Variants in DNTTIP1 observed in about 807,000 individuals in gnomAD.
The protein encoded by DNTTIP1 is deoxynucleotidyltransferase terminal-interacting protein 1.
DNTTIP1 carries 22 observed loss-of-function variants against 52.9 expected under a neutral mutation model. The observed-to-expected ratio is 0.42, with a 90% confidence interval of 0.30 to 0.59. The LOEUF is 0.59. DNTTIP1 is among the 20% of genes least tolerant of loss of function. The probability of loss-of-function intolerance (pLI) is 0.22; values close to 1 mark genes in which losing one functional copy is unlikely to be tolerated. For missense variants in DNTTIP1, 286 were observed against 435.5 expected (o/e 0.66, Z 3.06); for synonymous variants, 136 against 155.1 (o/e 0.88, Z 0.92).
intron 4 of DNTTIP1, among the ~76,000 whole-genome samples, chr20:45,800,351 T>A (rs899542834): frequency 7.9e-5 from 12 of 152,184 alleles, no homozygotes; most frequent in Admixed American, 5.2e-4. Flanking sequence ...TTTTTAAAAA[T>A]AGATATCTAT....
intron 3 of DNTTIP1, among the ~76,000 whole-genome samples, chr20:45,794,902 C>T (rs1981183345): frequency 6.6e-6 from 1 of 151,270 alleles, no homozygotes; most frequent in South Asian, 2.1e-4. Flanking sequence ...TGGGTTCAAG[C>T]AGTTCTCTGC....
chr20:45,800,689 AAAAAAATATATATATATAT>A (rs1981406584), intron 4 of DNTTIP1, among the ~76,000 whole-genome samples: 1 of 64,976 alleles, frequency 1.5e-5, no homozygotes, highest in African/African-American at 8.4e-5. Context: ...TAAAAAAAAA[AAAAAAATATATATATATAT>A]ATATATATAT....
rs532084221 is a variant in DNTTIP1 at position 45,809,123 on chromosome 20, G to A, written c.733G>A (p.Asp245Asn). The A allele has an allele frequency of 6.2e-7, 1 of 1,614,082 alleles. No individual in the cohort carries two copies. Residue 245 changes from aspartate to asparagine, a missense_variant, in exon 11 of 13, where the codon GAC becomes AAC. Physicochemically the swap from Asp to Asn is conservative, Grantham distance 23 (BLOSUM62 1). This residue lies in a region of DNTTIP1 where 78 missense variants were observed against 169.0 expected (regional missense o/e 0.46). Transcript: ENST00000372622. The surrounding 1 kb of genome is among the most constrained non-coding windows in gnomAD (Gnocchi z 4.2). Reference sequence around the variant, plus strand: ...ACTTCATTCCTTACAGTATGCAGCTGACCCCCAGGATAAGCACTGGCTGGC... The same window carrying A: ...ACTTCATTCCTTACAGTATGCAGCTAACCCCCAGGATAAGCACTGGCTGGC... ...KHPHLFKYAA[D>N]PQDKHWLAEQ...
At chr20:45,808,871 G>A (rs189785920) in intron 10 of DNTTIP1, among the ~76,000 whole-genome samples, 20 of 152,150 alleles carry the variant, frequency 1.3e-4, no homozygotes, top group African/African-American at 4.3e-4. Flanking sequence ...TGCCCGGGGT[G>A]CTTTGTTGTG....
rs1216825265 is a variant in DNTTIP1, at chr20:45,795,403, A to G, written c.332A>G (p.Glu111Gly). ...RDNVGEEVDA[E>G]QLIQEACRSC... ...AATGTTGGGGAGGAGGTGGACGCAG[A>G]GCAGCTGATCCAGGAAGCCTGTCGG... Residue 111 changes from glutamate (E) to glycine (G), a missense_variant, in exon 4 of 13, where the codon GAG becomes GGG. Coordinates refer to ENST00000372622, the MANE Select transcript of DNTTIP1 (RefSeq NM_052951.3). The G allele has an allele frequency of 6.2e-7, 1 of 1,611,588 alleles. No individual in the cohort carries two copies. Among genetic ancestry groups the G allele is most frequent in the Non-Finnish European group, 8.5e-7 (1 of 1,178,780 alleles).
chr20:45,808,548 G>A (rs538640794), intron 10 of DNTTIP1, among the ~76,000 whole-genome samples: 5 of 149,852 alleles, frequency 3.3e-5, no homozygotes, highest in Admixed American at 1.3e-4. Flanking sequence ...GCTGAGGCAG[G>A]AGAATCGCTT....
In DNTTIP1 at chr20:45,794,200, G is replaced by A. The variant is rs868055144; in HGVS notation, c.273+183G>A. Among the ~76,000 whole-genome samples the A allele has an allele frequency of 2.0e-5, 3 of 152,168 alleles. No individual in the cohort carries two copies. The South Asian group carries it at 6.2e-4, about 31-fold the overall frequency. On this transcript the variant is annotated intron_variant, in intron 3 of 12. Transcript: ENST00000372622. Reference sequence around the variant, plus strand: ...TTCTCACTCTGTCACCCAGGCTGGAGTGCAGTGGCACAATATCGATTCACC... The same window carrying A: ...TTCTCACTCTGTCACCCAGGCTGGAATGCAGTGGCACAATATCGATTCACC...
chr20:45,794,303 C>A (rs966008789), intron 3 of DNTTIP1, among the ~76,000 whole-genome samples: 1 of 152,100 alleles, frequency 6.6e-6, no homozygotes, highest in Non-Finnish European at 1.5e-5. Context: ...TGCCCACCAC[C>A]TTGCAGGGCT....
At position 45,795,232 on chromosome 20, in the gene DNTTIP1, T is replaced by C. The variant is rs1040094561; in HGVS notation, c.274-113T>C. ...GCTGATCCCAAAGCCCTGCTCATAA[T>C]CACTTTTCCCTTCTGTATGAAGCTA... is the stretch of plus-strand genomic sequence containing the variant. On this transcript the variant is annotated intron_variant, in intron 3 of 12. Coordinates refer to ENST00000372622, the MANE Select transcript of DNTTIP1 (RefSeq NM_052951.3). 29 of 595,992 alleles carry C rather than the reference T, an allele frequency of 4.9e-5. No homozygotes were observed. In the South Asian group the frequency reaches 6.2e-4, roughly 13 times the overall value. 36.9% of individuals were successfully genotyped at this position (595,992 alleles called of 1,614,324 possible).
In DNTTIP1 at chr20:45,801,248, A is replaced by G. The variant is rs1981459307; in HGVS notation, c.441+106A>G. ...GGTTCCATGTACTTCCATTTGTAGG[A>G]CCAGGCCCACACAGCATCATGCTGG... On this transcript the variant is annotated intron_variant, in intron 5 of 12. Transcript: ENST00000372622. 5.8e-6 allele frequency: 8 copies of G among 1,390,112 alleles called. No homozygotes were observed. In the Admixed American group the frequency reaches 1.2e-4, roughly 21 times the overall value. 86.1% of individuals were successfully genotyped at this position (1,390,112 alleles called of 1,614,324 possible). A position where few individuals can be genotyped will look rare whatever the true frequency, so the allele number is the denominator to read the frequency against.
rs1981211391 is a variant in DNTTIP1, at chr20:45,795,531, G to A, written c.372+88G>A. ...ATGCGATCTTAAGCCGGACGTGGTGGCTCACACATGTAATCCCAGCACTGT... is the reference window on the plus strand; with the variant it reads ...ATGCGATCTTAAGCCGGACGTGGTGACTCACACATGTAATCCCAGCACTGT... On this transcript the variant is annotated intron_variant, in intron 4 of 12. Coordinates refer to ENST00000372622, the MANE Select transcript of DNTTIP1 (RefSeq NM_052951.3). The A allele has an allele frequency of 2.3e-5, 18 of 768,148 alleles. No homozygotes were observed. The South Asian group carries it at 2.8e-4, about 12-fold the overall frequency. 47.6% of individuals were successfully genotyped at this position (768,148 alleles called of 1,614,324 possible).
chr20:45,806,286 G>A (rs542905485), intron 10 of DNTTIP1, among the ~76,000 whole-genome samples: 2 of 149,066 alleles, frequency 1.3e-5, no homozygotes, highest in African/African-American at 4.9e-5. Flanking sequence ...AACCCAGGAG[G>A]CAGAGGTTGC....
At chr20:45,806,017 G>A (rs1981629966) in intron 10 of DNTTIP1, among the ~76,000 whole-genome samples, 1 of 146,250 alleles carries the variant, frequency 6.8e-6, no homozygotes, top group African/African-American at 2.5e-5. Context: ...AGGAGGCGGA[G>A]GTTGTGGTGA....
intron 3 of DNTTIP1, 33 bp downstream of exon 3, chr20:45,794,050 G>A: frequency 1.4e-6 from 2 of 1,456,480 alleles, no homozygotes; most frequent in East Asian, 2.4e-5. Context: ...AATAACAGGA[G>A]AAAGACTCAT....
chr20:45,800,939 A>AGCCAAGAT, intron 4 of DNTTIP1, 135 bp from the exon 5 acceptor site: 2 of 724,416 alleles, frequency 2.8e-6, no homozygotes, highest in Non-Finnish European at 4.8e-6. Flanking sequence ...GGTTGCAGAG[A>AGCCAAGAT]GCCAAGATGG....
chr20:45,797,881 G>A (rs555842914), intron 4 of DNTTIP1, among the ~76,000 whole-genome samples: 66 of 152,304 alleles, frequency 4.3e-4, no homozygotes, highest in Non-Finnish European at 6.8e-4. Flanking sequence ...TACACTGTTG[G>A]TGGGACCGTA....
At chr20:45,799,028 TGGA>T (rs1981336733) in intron 4 of DNTTIP1, among the ~76,000 whole-genome samples, 2 of 152,194 alleles carry the variant, frequency 1.3e-5, no homozygotes, top group South Asian at 2.1e-4. Flanking sequence ...GGACAAAGTT[TGGA>T]GGAGAAGAGC....
chr20:45,800,693 AAATATATATATATATATAT>A (rs1401737792), intron 4 of DNTTIP1, among the ~76,000 whole-genome samples: 4 of 30,546 alleles, frequency 1.3e-4, no homozygotes, highest in Non-Finnish European at 1.8e-4. Flanking sequence ...AAAAAAAAAA[AAATATATATATATATATAT>A]ATATATATAT....
chr20:45,801,505 A>G (rs753494616), intron 6 of DNTTIP1, 47 bp downstream of exon 6: 1 of 1,606,570 alleles, frequency 6.2e-7, no homozygotes. Context: ...AAGGCTTGTC[A>G]GGCCGGGTGT....
Sources: allele counts gnomAD v4.1 joint callset (sites outside exome capture counted in the v4.1 genomes callset), GRCh38; gene constraint gnomAD v4.1.1; regional missense constraint gnomAD v4.1.1; non-coding constraint Gnocchi (gnomAD v3.1); transcripts MANE v1.5; gene names NCBI Gene and HGNC (gene_info 2026-07-23, HGNC 2026-07-21).